MBNL2: variants seen among roughly 807,000 people sequenced by gnomAD.
MBNL2 encodes muscleblind-like protein 2.
Under a neutral mutation model 41.9 loss-of-function variants are expected in MBNL2, and 17 were observed. The ratio of observed to expected loss-of-function variants is 0.41; its 90% CI spans 0.28 to 0.61. The LOEUF is 0.61. Among genes scored for constraint, MBNL2 ranks in the 20% least tolerant of loss-of-function variants. MBNL2 has a pLI of 0.35. For synonymous variants in MBNL2, 195 were observed against 182.9 expected, an observed-to-expected ratio of 1.07 and a Z score of -0.53; for missense variants, 336 against 505.6, an observed-to-expected ratio of 0.66 and a Z score of 3.22.
rs761124648 is a variant in MBNL2 at position 97,311,307 on chromosome 13, G to A, written c.175-22969G>A. On this transcript the variant is annotated intron_variant, in intron 2 of 8. Transcript: ENST00000679496. ...GCAAGGTGCGTGATCGGCTCCATAA[G>A]AACAATCAGGAGATAAAATTATTTG... is the stretch of plus-strand genomic sequence containing the variant. Among the ~76,000 whole-genome samples, 23 of 152,100 alleles carry A rather than the reference G, an allele frequency of 1.5e-4. 1 individual carries two copies. Among genetic ancestry groups the A allele is most frequent in the African/African-American group, 1.2e-4 (5 of 41,416 alleles).
chr13:97,240,525 C>A (rs1013925714), intron 1 of MBNL2, among the ~76,000 whole-genome samples: 1 of 152,142 alleles, frequency 6.6e-6, no homozygotes. Flanking sequence ...CCAATGAATG[C>A]TATAGACCCT....
chr13:97,258,839 C>T (rs1235873469), intron 1 of MBNL2, among the ~76,000 whole-genome samples: 2 of 152,202 alleles, frequency 1.3e-5, no homozygotes, highest in African/African-American at 4.8e-5. Flanking sequence ...GGAAGGAGAC[C>T]TGTGGCCACT....
the MBNL2 span, among the ~76,000 whole-genome samples, chr13:97,146,383 C>T: frequency 1.3e-5 from 2 of 152,120 alleles, no homozygotes; most frequent in Non-Finnish European, 2.9e-5. Context: ...ACTAACATTC[C>T]ATCCAAGCAT....
intron 2 of MBNL2, among the ~76,000 whole-genome samples, chr13:97,284,630 C>T (rs912885073): frequency 6.6e-6 from 1 of 152,110 alleles, no homozygotes; most frequent in African/African-American, 2.4e-5. Flanking sequence ...CACAATTCAA[C>T]CCATTAATAT....
chr13:97,309,096 G>A (rs975705978), intron 2 of MBNL2, among the ~76,000 whole-genome samples: 2 of 152,140 alleles, frequency 1.3e-5, no homozygotes, highest in African/African-American at 4.8e-5. Context: ...TGGTTGGACT[G>A]CAGCATAAAA....
At chr13:97,295,750 T>C (rs1594172410) in intron 2 of MBNL2, among the ~76,000 whole-genome samples, 1 of 152,166 alleles carries the variant, frequency 6.6e-6, no homozygotes, top group African/African-American at 2.4e-5. Context: ...ACTGTTAACA[T>C]ACATTTAAAT....
chr13:97,211,028 T>C, the MBNL2 span, among the ~76,000 whole-genome samples: 1 of 151,486 alleles, frequency 6.6e-6, no homozygotes, highest in Non-Finnish European at 1.5e-5. Flanking sequence ...AGGGAAGGGG[T>C]GAGGTACATA....
the MBNL2 span, among the ~76,000 whole-genome samples, chr13:97,169,043 C>A: frequency 1.3e-5 from 2 of 152,102 alleles, no homozygotes; most frequent in Non-Finnish European, 1.5e-5. Context: ...GTCGTCTACT[C>A]CCCCCTTTGT....
At chr13:97,192,042 C>A in the MBNL2 span, among the ~76,000 whole-genome samples, 1 of 152,114 alleles carries the variant, frequency 6.6e-6, no homozygotes, top group East Asian at 1.9e-4. Flanking sequence ...TAGCTATATG[C>A]CCTAAAACAC....
At chr13:97,146,157 A>ATT in the MBNL2 span, among the ~76,000 whole-genome samples, 6,013 of 140,794 alleles carry the variant, frequency 0.043, 413 homozygotes, top group African/African-American at 0.15. Context: ...CAACCGGCTA[A>ATT]TTTTTTTTTT....
In MBNL2 at chr13:97,288,768, C is replaced by G. The variant is rs74109437; in HGVS notation, c.174+12359C>G. 3.2e-3 allele frequency among the ~76,000 whole-genome samples: 483 copies of G among 152,258 alleles called. 1 individual carries two copies. Among genetic ancestry groups the G allele is most frequent in the African/African-American group, 0.011 (462 of 41,524 alleles). The stretch of plus-strand genomic sequence containing the variant: ...TAGTCTTTCTCAGCACCATCATGAC[C>G]AAGAAGAATAAAACTGATACTCCTA... On this transcript the variant is annotated intron_variant, in intron 2 of 8. Transcript: ENST00000679496.
intron 1 of MBNL2, among the ~76,000 whole-genome samples, chr13:97,230,543 C>G (rs1050279416): frequency 6.6e-6 from 1 of 152,128 alleles, no homozygotes; most frequent in Non-Finnish European, 1.5e-5. Context: ...GCTCACACCT[C>G]GTGAAAGAAG....
At chr13:97,205,181 A>T in the MBNL2 span, among the ~76,000 whole-genome samples, 1 of 145,762 alleles carries the variant, frequency 6.9e-6, no homozygotes, top group African/African-American at 2.5e-5. Context: ...AAAAAAAAAA[A>T]TTATATATAT....
At chr13:97,290,894 AG>A (rs1325709015) in intron 2 of MBNL2, among the ~76,000 whole-genome samples, 3 of 152,080 alleles carry the variant, frequency 2.0e-5, no homozygotes, top group African/African-American at 7.2e-5. Flanking sequence ...GAAGAGAGGA[AG>A]GCTTCCCAGA....
the MBNL2 span, among the ~76,000 whole-genome samples, chr13:97,162,025 C>A: frequency 2.0e-5 from 3 of 152,088 alleles, no homozygotes; most frequent in Non-Finnish European, 4.4e-5. Context: ...AGTACAGTAG[C>A]ATTTGATCAG....
At chr13:97,271,769 C>G (rs2051082702) in intron 1 of MBNL2, among the ~76,000 whole-genome samples, 1 of 152,162 alleles carries the variant, frequency 6.6e-6, no homozygotes, top group South Asian at 2.1e-4. Flanking sequence ...TCTCATTCCG[C>G]TGCATAGTAT....
the MBNL2 span, among the ~76,000 whole-genome samples, chr13:97,212,416 C>T: frequency 6.6e-6 from 1 of 152,126 alleles, no homozygotes; most frequent in Admixed American, 6.5e-5. Context: ...CACAGCTACC[C>T]CCTCCCAGCT....
At chr13:97,322,094 G>A (rs1229209306) in intron 2 of MBNL2, among the ~76,000 whole-genome samples, 1 of 152,166 alleles carries the variant, frequency 6.6e-6, no homozygotes, top group Non-Finnish European at 1.5e-5. Context: ...CCCAGTTTCT[G>A]GCATAGAGCA....
At position 97,391,397 on chromosome 13, in the gene MBNL2, G is replaced by A; in HGVS notation, c.1124G>A (p.Cys375Tyr). The change falls in exon 9 of 9, where the codon TGT (cysteine) becomes TAT (tyrosine). Residue 375 changes from cysteine (C) to tyrosine (Y), a missense_variant. Physicochemically the swap from Cys to Tyr is radical, Grantham distance 194 (BLOSUM62 -2). Coordinates refer to ENST00000679496, the MANE Select transcript of MBNL2 (RefSeq NM_001382683.1). Reference protein sequence around the residue: ...SALRITKHCYCTYYPVSSSIE... With the variant: ...SALRITKHCYYTYYPVSSSIE... The stretch of plus-strand genomic sequence containing the variant: ...TTGAGAATAACTAAACATTGTTACT[G>A]TACATACTATCCTGTTTCCTCCTCA... 1 of 1,575,786 alleles carries A rather than the reference G, an allele frequency of 6.3e-7. No individual in the cohort carries two copies.
Sources: gnomAD v4.1 joint callset for allele counts (sites outside exome capture counted in the v4.1 genomes callset) on GRCh38, gnomAD v4.1.1 for gene constraint, MANE v1.5 for transcripts, NCBI Gene and HGNC (gene_info 2026-07-23, HGNC 2026-07-21) for gene names.